The following PPARD variants were observed in gnomAD, a reference collection of about 807,000 sequenced individuals.
PPARD encodes the protein peroxisome proliferator-activated receptor delta.
A neutral mutation model predicts 39.5 loss-of-function variants in PPARD; 6 were observed. The ratio of observed to expected loss-of-function variants is 0.15; its 90% CI spans 0.08 to 0.30. PPARD has a LOEUF of 0.30. Among genes scored for constraint, PPARD ranks in the 10% least tolerant of loss-of-function variants. The probability of loss-of-function intolerance (pLI) is 1.00; values close to 1 mark genes in which losing one functional copy is unlikely to be tolerated. For synonymous variants in PPARD, 210 were observed against 231.3 expected (o/e 0.91, Z 0.83); for missense variants, 397 against 596.8 (o/e 0.67, Z 3.49).
At position 35,392,225 on chromosome 6, in the gene PPARD, G is replaced by A. The variant is rs368929363; in HGVS notation, c.-101-18762G>A. Among the ~76,000 whole-genome samples the A allele has an allele frequency of 9.2e-4, 140 of 151,380 alleles. 1 individual carries two copies. The highest frequency in any genetic ancestry group is 4.8e-3 in the East Asian group (24 of 4,986). On this transcript the variant is annotated intron_variant, in intron 2 of 7. Coordinates refer to ENST00000360694, the MANE Select transcript of PPARD (RefSeq NM_006238.5). The stretch of plus-strand genomic sequence containing the variant: ...CGCACCAGCAGCTCTCCTCTGTAAC[G>A]CAGCACGGAAGTATTTATTTCAAGG...
At chr6:35,346,281 C>T (rs986149426) in intron 1 of PPARD, among the ~76,000 whole-genome samples, 6 of 152,162 alleles carry the variant, frequency 3.9e-5, no homozygotes, top group Admixed American at 3.3e-4. Context: ...TGCCTTGCTC[C>T]AGTGCCTCTG....
At chr6:35,375,442 C>T (rs556678578) in intron 2 of PPARD, among the ~76,000 whole-genome samples, 3 of 152,140 alleles carry the variant, frequency 2.0e-5, no homozygotes, top group Non-Finnish European at 4.4e-5. Context: ...TCTTGAACTC[C>T]TGACCTCAGG....
intron 2 of PPARD, among the ~76,000 whole-genome samples, chr6:35,362,425 C>G (rs1420601282): frequency 6.7e-6 from 1 of 150,332 alleles, no homozygotes; most frequent in East Asian, 1.9e-4. Context: ...CCCATCTGCT[C>G]TGCCTACTCA....
At chr6:35,349,990 C>CCTCAG (rs1186657422) in intron 2 of PPARD, among the ~76,000 whole-genome samples, 1 of 152,162 alleles carries the variant, frequency 6.6e-6, no homozygotes, top group Non-Finnish European at 1.5e-5. Flanking sequence ...GATCTGCCTG[C>CCTCAG]CTCAGCCTCC....
intron 2 of PPARD, among the ~76,000 whole-genome samples, chr6:35,384,017 C>T (rs1258872081): frequency 2.9e-3 from 424 of 147,846 alleles, no homozygotes; most frequent in Admixed American, 7.6e-3. Context: ...CCCCGCCAGC[C>T]GCCCCGTCAG....
chr6:35,352,027 C>T (rs1207144762), intron 2 of PPARD, among the ~76,000 whole-genome samples: 1 of 151,968 alleles, frequency 6.6e-6, no homozygotes, highest in Non-Finnish European at 1.5e-5. Flanking sequence ...CACCATCATG[C>T]CCACCTCATT....
At chr6:35,392,429 C>G (rs2150676191) in intron 2 of PPARD, among the ~76,000 whole-genome samples, 1 of 152,102 alleles carries the variant, frequency 6.6e-6, no homozygotes, top group African/African-American at 2.4e-5. Flanking sequence ...CTCCGCCTGC[C>G]CAGACTGGGA....
At chr6:35,407,676 ATAAAT>A (rs1321094378) in intron 2 of PPARD, among the ~76,000 whole-genome samples, 1 of 150,566 alleles carries the variant, frequency 6.6e-6, no homozygotes, top group Non-Finnish European at 1.5e-5. Context: ...AATAAAATAA[ATAAAT>A]AAATAAAATA....
intron 2 of PPARD, among the ~76,000 whole-genome samples, chr6:35,390,504 A>G (rs1158246094): frequency 6.6e-6 from 1 of 152,222 alleles, no homozygotes; most frequent in Admixed American, 6.5e-5. Flanking sequence ...AATTCCCAAC[A>G]GTTATTAACT....
chr6:35,414,582 C>T (rs779770518), intron 3 of PPARD, among the ~76,000 whole-genome samples: 11 of 152,134 alleles, frequency 7.2e-5, no homozygotes, highest in Non-Finnish European at 1.6e-4. Context: ...CTGTAGCCCT[C>T]GCCAGTGCCA....
chr6:35,357,013 A>ATGTACAGCTCTTCCCTGGAGCAGTT (rs1443124069), intron 2 of PPARD, among the ~76,000 whole-genome samples: 3 of 150,856 alleles, frequency 2.0e-5, no homozygotes, highest in African/African-American at 7.3e-5. Flanking sequence ...AGTGTCCACA[A>ATGTACAGCTCTTCCCTGGAGCAGTT]TGTACAGCTC....
Position 35,424,799 on chromosome 6 carries a change from G to A in PPARD, c.1078+20G>A. The A allele has an allele frequency of 1.2e-6, 2 of 1,608,568 alleles. No homozygotes were observed. The highest frequency in any genetic ancestry group is 1.7e-6 in the Non-Finnish European group (2 of 1,176,346). ...GTGGAGGTGAGTGAGAGTGGGGCAGGTGGGCTGGCCTGGCACACCCAGTCG... is the reference window on the plus strand; with the variant it reads ...GTGGAGGTGAGTGAGAGTGGGGCAGATGGGCTGGCCTGGCACACCCAGTCG... On this transcript the variant is annotated intron_variant, in intron 7 of 7. Coordinates refer to ENST00000360694, the MANE Select transcript of PPARD (RefSeq NM_006238.5). This position sits in a 1 kb window ranked among gnomAD's most constrained non-coding sequence, Gnocchi z 7.1.
intron 2 of PPARD, among the ~76,000 whole-genome samples, chr6:35,381,784 G>T (rs1307819437): frequency 6.6e-6 from 1 of 152,144 alleles, no homozygotes; most frequent in Non-Finnish European, 1.5e-5. Context: ...GGGGAGAATG[G>T]ATATTGTGTA....
intron 3 of PPARD, among the ~76,000 whole-genome samples, chr6:35,413,664 A>G (rs969180745): frequency 7.3e-5 from 11 of 151,622 alleles, no homozygotes; most frequent in Non-Finnish European, 1.6e-4. Flanking sequence ...GTGTGGGCCA[A>G]CACTTCTTAA....
At chr6:35,402,715 C>T (rs1475813058) in intron 2 of PPARD, among the ~76,000 whole-genome samples, 1 of 152,132 alleles carries the variant, frequency 6.6e-6, no homozygotes, top group Non-Finnish European at 1.5e-5. Context: ...AGAAGGCCAC[C>T]CGGGCTTCTC....
intron 2 of PPARD, among the ~76,000 whole-genome samples, chr6:35,384,067 G>A (rs1763374110): frequency 2.0e-5 from 3 of 146,662 alleles, no homozygotes; most frequent in African/African-American, 7.6e-5. Context: ...CAGGCCAGCC[G>A]CCCCGTCCGG....
At chr6:35,368,993 G>A (rs889805581) in intron 2 of PPARD, among the ~76,000 whole-genome samples, 1 of 152,176 alleles carries the variant, frequency 6.6e-6, no homozygotes, top group Non-Finnish European at 1.5e-5. Flanking sequence ...AGATACCTAG[G>A]TTAGCACAGC....
At chr6:35,392,384 G>A (rs1207094973) in intron 2 of PPARD, among the ~76,000 whole-genome samples, 1 of 152,124 alleles carries the variant, frequency 6.6e-6, no homozygotes, top group African/African-American at 2.4e-5. Context: ...CTTCCATGCT[G>A]TGTTGCAGAG....
intron 1 of PPARD, among the ~76,000 whole-genome samples, chr6:35,344,440 C>T (rs1266588325): frequency 6.6e-6 from 1 of 151,934 alleles, no homozygotes; most frequent in African/African-American, 2.4e-5. Context: ...GAGAGCCCAC[C>T]ACCTTCCATG....
Sources: allele counts gnomAD v4.1 joint callset (sites outside exome capture counted in the v4.1 genomes callset), GRCh38; gene constraint gnomAD v4.1.1; non-coding constraint Gnocchi (gnomAD v3.1); transcripts MANE v1.5; gene names NCBI Gene and HGNC (gene_info 2026-07-23, HGNC 2026-07-21).